KIF15: variants seen among roughly 807,000 people sequenced by gnomAD.
KIF15 encodes the protein kinesin-like protein KIF15.
A neutral mutation model predicts 190.6 loss-of-function variants in KIF15; 140 were observed. The observed-to-expected ratio is 0.73, with a 90% confidence interval of 0.64 to 0.84. The LOEUF (loss-of-function observed/expected upper bound fraction) is 0.84. Ranked by LOEUF, KIF15 falls within the 40% of genes least tolerant of loss-of-function variation. The pLI, the probability that KIF15 is intolerant of heterozygous loss-of-function variation, is 0.00. For synonymous variants in KIF15, 528 were observed against 551.3 expected, an observed-to-expected ratio of 0.96 and a Z score of 0.59; for missense variants, 1,372 against 1,584.4, an observed-to-expected ratio of 0.87 and a Z score of 2.28.
intron 14 of KIF15, among the ~76,000 whole-genome samples, chr3:44,803,520 G>A (rs1476593759): frequency 6.6e-6 from 1 of 152,182 alleles, no homozygotes; most frequent in African/African-American, 2.4e-5. Flanking sequence ...TGTGAAAAGT[G>A]GTTTAGTTAA....
rs200374944 is a variant in KIF15, at chr3:44,794,254, C to G, written c.677C>G (p.Ser226Ter). Residue 226 changes from serine (S) to a stop codon, truncating the protein, a stop_gained, in exon 8 of 35, where the codon TCA becomes TGA. Transcript: ENST00000326047. LOFTEE classifies it high-confidence loss of function. ...SGGWRNRRVASTSMNRESSRS... is the reference protein window; with the variant it reads ...SGGWRNRRVA ...GGATGGAGGAATAGACGTGTGGCAT[C>G]AACATCAATGAACAGAGAATCGTCT... 2 of 1,613,906 alleles carry G rather than the reference C, an allele frequency of 1.2e-6. No individual in the cohort carries two copies. Among genetic ancestry groups the G allele is most frequent in the Non-Finnish European group, 1.7e-6 (2 of 1,179,910 alleles).
Position 44,801,518 on chromosome 3 carries a change from G to A in KIF15, c.1291G>A (p.Glu431Lys), listed in dbSNP as rs1378613710. 6.4e-7 allele frequency: 1 copy of A among 1,559,522 alleles called. No individual in the cohort carries two copies. Among genetic ancestry groups the A allele is most frequent in the Admixed American group, 1.7e-5 (1 of 59,638 alleles). The change falls in exon 12 of 35, where the codon GAA becomes AAA. Residue 431 changes from glutamate (E) to lysine (K), a missense_variant. Glu to Lys is a moderately conservative substitution (Grantham distance 56, BLOSUM62 1). Transcript: ENST00000326047. ...GTTATTCTTTAAGAAATCTGAACAG[G>A]AAAAGAAGGTAGGAAATGGAATTAG... The part of the protein sequence containing the change: ...AMLFFKKSEQ[E>K]KKSLIEKVTQ...
chr3:44,783,114 A>C (rs1174603163), intron 5 of KIF15, among the ~76,000 whole-genome samples: 1 of 152,190 alleles, frequency 6.6e-6, no homozygotes, highest in Non-Finnish European at 1.5e-5. Context: ...GCAAGAGATG[A>C]TGAAGGTAAT....
At chr3:44,795,113 C>G (rs542833151) in intron 8 of KIF15, among the ~76,000 whole-genome samples, 214 of 152,266 alleles carry the variant, frequency 1.4e-3, no homozygotes, top group African/African-American at 4.9e-3. Flanking sequence ...TAGGGCAAGT[C>G]TGTCAGTAGC....
chr3:44,768,233 C>T (rs559237480), intron 1 of KIF15, among the ~76,000 whole-genome samples: 3 of 150,822 alleles, frequency 2.0e-5, no homozygotes, highest in Admixed American at 6.6e-5. Flanking sequence ...AAGATCGTGG[C>T]ACTGCACTCC....
chr3:44,833,843 G>A (rs189274318), intron 26 of KIF15, among the ~76,000 whole-genome samples: 93 of 152,306 alleles, frequency 6.1e-4, no homozygotes, highest in Middle Eastern at 6.8e-3. Context: ...GTTTTAGCAA[G>A]CCAATTGAAA....
intron 7 of KIF15, among the ~76,000 whole-genome samples, chr3:44,790,414 C>T (rs1265497766): frequency 6.6e-6 from 1 of 151,926 alleles, no homozygotes; most frequent in Admixed American, 6.6e-5. Flanking sequence ...AGACAGTTGC[C>T]CCGGGTGGAA....
intron 13 of KIF15, 125 bp from the exon 14 acceptor site, chr3:44,802,689 G>T (rs1314146751): frequency 1.2e-6 from 1 of 856,260 alleles, no homozygotes; most frequent in African/African-American, 1.7e-5. Context: ...TTTCCATGGT[G>T]GTTGCAGAAG....
intron 6 of KIF15, among the ~76,000 whole-genome samples, chr3:44,785,807 A>G (rs1477974993): frequency 1.3e-5 from 2 of 152,200 alleles, no homozygotes; most frequent in Admixed American, 1.3e-4. Flanking sequence ...ACAAAAATGG[A>G]ATTTCCCAAC....
intron 6 of KIF15, chr3:44,864,334 C>T (rs999450802): frequency 5.6e-6 from 9 of 1,614,020 alleles, no homozygotes; most frequent in East Asian, 4.5e-5. Flanking sequence ...TTTCAAATAT[C>T]CTCAGCTCGG....
At chr3:44,771,987 A>G (rs1481557649) in intron 1 of KIF15, among the ~76,000 whole-genome samples, 1 of 152,184 alleles carries the variant, frequency 6.6e-6, no homozygotes, top group South Asian at 2.1e-4. Flanking sequence ...TTATTTCTCA[A>G]AGATTAAAGT....
At chr3:44,855,709 G>T (rs186570925), downstream of KIF15, among the ~76,000 whole-genome samples, 1 of 152,050 alleles carries the variant, frequency 6.6e-6, no homozygotes, top group Admixed American at 6.6e-5. Flanking sequence ...AGGATTTGTC[G>T]TATAGAATTA....
rs1468464610 is a variant in KIF15 at position 44,813,158 on chromosome 3, A to G, written c.2361A>G (p.Gln787=). The change falls in exon 19 of 35, where the codon CAA becomes CAG. Residue 787 remains glutamine (Q), a synonymous_variant. Transcript: ENST00000326047. The part of the protein sequence containing the change: ...SQLNVLEKQL[Q]ETQTKNDFLK... Reference sequence around the variant, plus strand: ...TGAATGTCCTTGAAAAGCAGCTTCAAGAGACTCAAACTAAAAATGACTGTA... The same window carrying G: ...TGAATGTCCTTGAAAAGCAGCTTCAGGAGACTCAAACTAAAAATGACTGTA... 1.2e-6 allele frequency: 2 copies of G among 1,600,042 alleles called. No homozygotes were observed. Among genetic ancestry groups the G allele is most frequent in the Admixed American group, 1.7e-5 (1 of 57,680 alleles).
chr3:44,855,450 A>G (rs142536262), downstream of KIF15, among the ~76,000 whole-genome samples: 9 of 152,354 alleles, frequency 5.9e-5, no homozygotes, highest in East Asian at 1.5e-3. Context: ...CACAGGAAAT[A>G]TGATGGCTTA....
At position 44,841,226 on chromosome 3, in the gene KIF15, C is replaced by A; in HGVS notation, c.3573C>A (p.Ile1191=). The part of the protein sequence containing the change: ...NEDREVKNAE[I]LRMKEQLREM... ...ACAGAGAAGTCAAAAATGCTGAAATCCTCAGAATGAAGGTAATTGGATTTT... is the reference window on the plus strand; with the variant it reads ...ACAGAGAAGTCAAAAATGCTGAAATACTCAGAATGAAGGTAATTGGATTTT... The change falls in exon 29 of 35, where the codon ATC becomes ATA. Residue 1191 remains isoleucine (I), a synonymous_variant. Coordinates refer to ENST00000326047, the MANE Select transcript of KIF15 (RefSeq NM_020242.3). 6.2e-7 allele frequency: 1 copy of A among 1,601,110 alleles called. No individual in the cohort carries two copies. The highest frequency in any genetic ancestry group is 8.5e-7 in the Non-Finnish European group (1 of 1,176,766).
intron 3 of KIF15, 122 bp from the exon 4 acceptor site, chr3:44,777,993 T>A: frequency 1.3e-6 from 1 of 752,068 alleles, no homozygotes; most frequent in Admixed American, 1.9e-5. Flanking sequence ...TTTAGCCTTT[T>A]TTCTGTAGTG....
At chr3:44,813,933 A>G (rs1015749464) in intron 19 of KIF15, among the ~76,000 whole-genome samples, 1 of 152,142 alleles carries the variant, frequency 6.6e-6, no homozygotes, top group African/African-American at 2.4e-5. Context: ...AAAGTTTTAG[A>G]TAAGCTGCTT....
chr3:44,804,172 A>G (rs553890857), intron 14 of KIF15, among the ~76,000 whole-genome samples: 4 of 152,220 alleles, frequency 2.6e-5, no homozygotes, highest in South Asian at 4.2e-4. Context: ...TATTTAAACT[A>G]CTTTTCCCTA....
intron 7 of KIF15, among the ~76,000 whole-genome samples, chr3:44,786,777 T>G (rs868689870): frequency 3.3e-5 from 5 of 152,256 alleles, no homozygotes; most frequent in Middle Eastern, 6.8e-3. Flanking sequence ...AAAGGGCAAT[T>G]TATACAGAAA....
Sources: allele counts gnomAD v4.1 joint callset (sites outside exome capture counted in the v4.1 genomes callset), GRCh38; gene constraint gnomAD v4.1.1; transcripts MANE v1.5; gene names NCBI Gene and HGNC (gene_info 2026-07-23, HGNC 2026-07-21).